CEP170: variants seen among roughly 807,000 people sequenced by gnomAD.
The protein encoded by CEP170 is centrosomal protein of 170 kDa.
Under a neutral mutation model 151.9 loss-of-function variants are expected in CEP170, and 21 were observed. The observed-to-expected ratio is 0.14, with a 90% CI of 0.10 to 0.20. The LOEUF is 0.20. CEP170 is among the 10% of genes least tolerant of loss of function. CEP170 has a pLI of 1.00. For missense variants in CEP170, 964 were observed against 1,892.9 expected, an observed-to-expected ratio of 0.51 and a Z score of 9.11; for synonymous variants, 356 against 648.8, an observed-to-expected ratio of 0.55 and a Z score of 6.86.
chr1:243,246,388 C>T (rs1325079320), intron 1 of CEP170, among the ~76,000 whole-genome samples: 7 of 151,972 alleles, frequency 4.6e-5, no homozygotes, highest in Admixed American at 2.0e-4. Flanking sequence ...TGCACCACCA[C>T]GCTCAGCTAA....
chr1:243,220,986 A>G (rs1049401740), intron 3 of CEP170, among the ~76,000 whole-genome samples: 2 of 152,172 alleles, frequency 1.3e-5, no homozygotes, highest in Non-Finnish European at 2.9e-5. Flanking sequence ...CCTAGCAGAG[A>G]AAGTTGTCTA....
intron 4 of CEP170, among the ~76,000 whole-genome samples, chr1:243,201,637 T>A (rs2061039576): frequency 6.6e-6 from 1 of 152,126 alleles, no homozygotes; most frequent in African/African-American, 2.4e-5. Context: ...GTAACTATCA[T>A]GACTACTTGG....
intron 10 of CEP170, among the ~76,000 whole-genome samples, chr1:243,173,280 G>A (rs1057513582): frequency 2.6e-5 from 4 of 151,268 alleles, no homozygotes; most frequent in African/African-American, 4.9e-5. Context: ...GGCTGGTCTC[G>A]AACTCCCGAC....
chr1:243,255,137 T>TCGTCGC lies in CEP170; in HGVS notation c.-145_-140dup, dbSNP rs2066516291. 1 of 153,218 alleles carries TCGTCGC rather than the reference T, an allele frequency of 6.5e-6. No homozygotes were observed. The highest frequency in any genetic ancestry group is 1.5e-5 in the Non-Finnish European group (1 of 68,636). The allele number at this position is 153,218 out of a possible 1,614,324, so 9.5% of individuals were successfully genotyped here. On this transcript the variant is annotated 5_prime_UTR_variant, in exon 1 of 20. Transcript: ENST00000366542. Reference sequence around the variant, plus strand: ...TCCTCCCCCCACCTCGTCGTCGTCGTCGTCGCCGCTGTTGTCGTCGCTGCC... The same window carrying TCGTCGC: ...TCCTCCCCCCACCTCGTCGTCGTCGTCGTCGCCGTCGCCGCTGTTGTCGTCGCTGCC...
At chr1:243,173,307 G>A (rs1245527132) in intron 10 of CEP170, among the ~76,000 whole-genome samples, 4 of 151,630 alleles carry the variant, frequency 2.6e-5, no homozygotes, top group East Asian at 2.0e-4. Context: ...TGATCTGCCC[G>A]CCTCGGCCTC....
chr1:243,244,594 A>G (rs2065183314), intron 1 of CEP170, among the ~76,000 whole-genome samples: 1 of 151,980 alleles, frequency 6.6e-6, no homozygotes, highest in Non-Finnish European at 1.5e-5. Context: ...AACACGAAAA[A>G]ATTAACTGGG....
chr1:243,224,451 T>TAAA (rs1043533676), intron 2 of CEP170, among the ~76,000 whole-genome samples: 1 of 139,220 alleles, frequency 7.2e-6, no homozygotes, highest in Admixed American at 7.1e-5. Context: ...GCTGATGAAC[T>TAAA]AAAAAAAAAA....
At chr1:243,239,485 T>TA (rs1453701607) in intron 1 of CEP170, among the ~76,000 whole-genome samples, 1 of 152,230 alleles carries the variant, frequency 6.6e-6, no homozygotes, top group Non-Finnish European at 1.5e-5. Context: ...GTAAATGTAA[T>TA]AATTTCACTC....
At position 243,186,088 on chromosome 1, in the gene CEP170, A is replaced by G; in HGVS notation, c.1273-16T>C. 6.2e-7 allele frequency: 1 copy of G among 1,613,592 alleles called. No individual in the cohort carries two copies. On this transcript the variant is annotated splice_polypyrimidine_tract_variant and intron_variant, in intron 9 of 19. Transcript: ENST00000366542. Reference sequence around the variant, plus strand: ...CAGAGCTAGTCTGTAAAGACAAAGAAACCACTTTGGCATCTGCTGTTGGAG... The same window carrying G: ...CAGAGCTAGTCTGTAAAGACAAAGAGACCACTTTGGCATCTGCTGTTGGAG...
At chr1:243,190,881 A>T in intron 8 of CEP170, 137 bp downstream of exon 8, 1 of 1,347,530 alleles carries the variant, frequency 7.4e-7, no homozygotes, top group Non-Finnish European at 9.8e-7. Context: ...CTTCCTGTTT[A>T]GTTTTAAGAC....
intron 7 of CEP170, among the ~76,000 whole-genome samples, chr1:243,193,534 G>A (rs1423865941): frequency 6.6e-6 from 1 of 152,008 alleles, no homozygotes; most frequent in African/African-American, 2.4e-5. Context: ...CAAAAAAGCT[G>A]GCCAGGGATA....
At chr1:243,228,046 A>G (rs908626543) in intron 1 of CEP170, among the ~76,000 whole-genome samples, 2 of 152,216 alleles carry the variant, frequency 1.3e-5, no homozygotes, top group African/African-American at 4.8e-5. Flanking sequence ...TTTCTTATGA[A>G]TCAAAAGAAT....
rs766466983 is a variant in CEP170, at chr1:243,129,411, T to C, written c.4362A>G (p.Glu1454=). The C allele has an allele frequency of 4.9e-5, 78 of 1,597,402 alleles. 3 individuals are homozygous for C. In the Middle Eastern group the frequency reaches 8.3e-4, roughly 17 times the overall value. The change falls in exon 18 of 20, where the codon GAA becomes GAG. Residue 1454 remains glutamate (E), a synonymous_variant. Transcript: ENST00000366542. ...KDKDRNWDDI[E]SKLRAESEVP... is the part of the protein sequence containing the mutation. ...CTTCACTTTCGGCTCTTAATTTGCTTTCTATGTCATCCCAATTCCGATCTT... is the reference window on the plus strand; with the variant it reads ...CTTCACTTTCGGCTCTTAATTTGCTCTCTATGTCATCCCAATTCCGATCTT...
intron 8 of CEP170, among the ~76,000 whole-genome samples, chr1:243,190,247 A>T (rs1170689517): frequency 1.3e-5 from 2 of 152,216 alleles, no homozygotes; most frequent in African/African-American, 4.8e-5. Context: ...TTCCTTATAG[A>T]TAGCTTATTA....
chr1:243,215,497 C>A (rs1380085133), intron 3 of CEP170, among the ~76,000 whole-genome samples: 1 of 152,112 alleles, frequency 6.6e-6, no homozygotes, highest in East Asian at 1.9e-4. Flanking sequence ...CTGTCTTTTA[C>A]GGTTGGAGAT....
rs2054111591 is a variant in CEP170, at chr1:243,129,471, T to TAAGCA, written c.4320-23_4320-19dup. On this transcript the variant is annotated intron_variant, in intron 17 of 19. Coordinates refer to ENST00000366542, the MANE Select transcript of CEP170 (RefSeq NM_014812.3). Reference sequence around the variant, plus strand: ...ATAATATTCTATAAATCAAAAAACATAAGCATATAACTTTTTATATTTTAA... The same window carrying TAAGCA: ...ATAATATTCTATAAATCAAAAAACATAAGCAAAGCATATAACTTTTTATATTTTAA... 7.3e-7 allele frequency: 1 copy of TAAGCA among 1,367,060 alleles called. No homozygotes were observed. The highest frequency in any genetic ancestry group is 2.4e-5 in the Admixed American group (1 of 41,602). 84.7% of individuals were successfully genotyped at this position (1,367,060 alleles called of 1,614,324 possible). A position where few individuals can be genotyped will look rare whatever the true frequency, so the allele number is the denominator to read the frequency against.
At chr1:243,127,154 G>A (rs946307780) in intron 19 of CEP170, among the ~76,000 whole-genome samples, 1 of 152,182 alleles carries the variant, frequency 6.6e-6, no homozygotes, top group African/African-American at 2.4e-5. Context: ...CCTCAAGGCT[G>A]GAGAGGCCAG....
chr1:243,156,726 C>T (rs2057583190), intron 13 of CEP170: 2 of 304,672 alleles, frequency 6.6e-6, no homozygotes, highest in East Asian at 5.4e-5. Flanking sequence ...TGAAAAATTT[C>T]GCTAATGATA....
intron 8 of CEP170, among the ~76,000 whole-genome samples, chr1:243,189,625 A>G (rs1487221877): frequency 6.6e-6 from 1 of 152,026 alleles, no homozygotes; most frequent in Non-Finnish European, 1.5e-5. Context: ...TGACTAAGTT[A>G]TAAATGGGTT....
Sources: gnomAD v4.1 joint callset for allele counts (sites outside exome capture counted in the v4.1 genomes callset) on GRCh38, gnomAD v4.1.1 for gene constraint, MANE v1.5 for transcripts, NCBI Gene and HGNC (gene_info 2026-07-23, HGNC 2026-07-21) for gene names.